The following ANKRD44 variants were observed in gnomAD, a reference collection of about 807,000 sequenced individuals.
ANKRD44 encodes serine/threonine-protein phosphatase 6 regulatory ankyrin repeat subunit B.
Under a neutral mutation model 116.0 loss-of-function variants are expected in ANKRD44, and 35 were observed. The observed-to-expected ratio is 0.30, with a 90% CI of 0.23 to 0.40. The LOEUF (loss-of-function observed/expected upper bound fraction) is 0.40, where lower values mean the gene tolerates loss of function less well. Among genes scored for constraint, ANKRD44 ranks in the 10% least tolerant of loss-of-function variants. The pLI, the probability that ANKRD44 is intolerant of heterozygous loss-of-function variation, is 1.00. For missense variants in ANKRD44, 1,014 were observed against 1,242.6 expected (o/e 0.82, Z 2.77); for synonymous variants, 435 against 461.8 (o/e 0.94, Z 0.74).
chr2:197,154,174 CTTTT>C (rs1034922629), intron 2 of ANKRD44, among the ~76,000 whole-genome samples: 2 of 106,840 alleles, frequency 1.9e-5, no homozygotes, highest in African/African-American at 7.7e-5. Context: ...TATCGGCTTT[CTTTT>C]TTTTTTTTTT....
chr2:197,097,419 G>A (rs530274684), intron 10 of ANKRD44, among the ~76,000 whole-genome samples: 1 of 152,188 alleles, frequency 6.6e-6, no homozygotes, highest in East Asian at 1.9e-4. Flanking sequence ...GGGCATCTAC[G>A]ATCTGGTTCA....
intron 27 of ANKRD44, among the ~76,000 whole-genome samples, chr2:196,992,225 G>A (rs1231293115): frequency 2.0e-5 from 3 of 152,110 alleles, no homozygotes; most frequent in African/African-American, 7.2e-5. Flanking sequence ...GAAACTTAAC[G>A]TTTTGTTGTT....
intron 1 of ANKRD44, among the ~76,000 whole-genome samples, chr2:197,209,691 T>C (rs901116515): frequency 6.6e-6 from 1 of 152,216 alleles, no homozygotes; most frequent in African/African-American, 2.4e-5. Context: ...CATTGGTTGA[T>C]TGGTCTTTCA....
At chr2:197,296,043 C>CA (rs1386435377) in intron 1 of ANKRD44, among the ~76,000 whole-genome samples, 3 of 150,878 alleles carry the variant, frequency 2.0e-5, no homozygotes, top group African/African-American at 4.9e-5. Flanking sequence ...GACCCTGTCT[C>CA]AAAAAAATAA....
At chr2:197,089,924 T>G in intron 11 of ANKRD44, 26 bp downstream of exon 11, 1 of 1,603,724 alleles carries the variant, frequency 6.2e-7, no homozygotes. Flanking sequence ...ACATTAAGCC[T>G]CATCTCTGCT....
At chr2:197,288,070 G>A (rs13383947) in intron 1 of ANKRD44, among the ~76,000 whole-genome samples, 2,607 of 150,476 alleles carry the variant, frequency 0.017, 92 homozygotes, top group African/African-American at 0.06. Flanking sequence ...GATATCTGAT[G>A]TACTCCCTCA....
intron 16 of ANKRD44, among the ~76,000 whole-genome samples, chr2:197,067,493 T>C (rs2077459792): frequency 1.4e-5 from 2 of 146,464 alleles, no homozygotes; most frequent in African/African-American, 5.0e-5. Context: ...GAATCTACAA[T>C]GAACTCAAAC....
intron 1 of ANKRD44, among the ~76,000 whole-genome samples, chr2:197,265,930 C>A (rs13393344): frequency 6.6e-6 from 1 of 152,010 alleles, no homozygotes; most frequent in African/African-American, 2.4e-5. Flanking sequence ...TAGTAAAAGC[C>A]TTTTGTCACA....
At chr2:197,179,654 A>G (rs1393537785) in intron 2 of ANKRD44, among the ~76,000 whole-genome samples, 1 of 152,190 alleles carries the variant, frequency 6.6e-6, no homozygotes, top group African/African-American at 2.4e-5. Flanking sequence ...TGAGGGTACA[A>G]ATCATATACC....
At chr2:196,968,850 C>T (rs2075694562) in intron 21 of ANKRD44, among the ~76,000 whole-genome samples, 1 of 152,172 alleles carries the variant, frequency 6.6e-6, no homozygotes, top group South Asian at 2.1e-4. Flanking sequence ...CACGCAGGCC[C>T]CCCTGTCTAT....
intron 2 of ANKRD44, among the ~76,000 whole-genome samples, chr2:197,161,016 C>T (rs1383089928): frequency 1.3e-5 from 2 of 152,108 alleles, no homozygotes; most frequent in African/African-American, 2.4e-5. Flanking sequence ...ACCAGGGGGT[C>T]GCTTTCTGTA....
intron 1 of ANKRD44, among the ~76,000 whole-genome samples, chr2:197,308,164 C>T (rs1275541823): frequency 2.7e-5 from 4 of 147,350 alleles, no homozygotes; most frequent in African/African-American, 1.0e-4. Context: ...CACACACACA[C>T]ACACACACAA....
At chr2:197,207,405 C>G (rs1451384270) in intron 1 of ANKRD44, among the ~76,000 whole-genome samples, 1 of 152,162 alleles carries the variant, frequency 6.6e-6, no homozygotes, top group African/African-American at 2.4e-5. Flanking sequence ...GCTGTGCCTG[C>G]GGATGGCACA....
chr2:196,998,393 C>A lies in ANKRD44; in HGVS notation c.2692G>T (p.Asp898Tyr). The A allele has an allele frequency of 6.2e-7, 1 of 1,613,902 alleles. No homozygotes were observed. The highest frequency in any genetic ancestry group is 8.5e-7 in the Non-Finnish European group (1 of 1,179,904). ...AAGTCCTTATCCTTTACAGTCAGAT[C>A]AGCCTGGGCACTGTTCACCAAAATA... ...VDILVNSAQADLTVKDKDLNT... is the reference protein window; with the variant it reads ...VDILVNSAQAYLTVKDKDLNT... Residue 898 changes from aspartate (D) to tyrosine (Y), a missense_variant, in exon 25 of 28, where the codon GAT becomes TAT. Transcript: ENST00000282272.
intron 1 of ANKRD44, among the ~76,000 whole-genome samples, chr2:197,307,884 G>C (rs2084120343): frequency 2.6e-5 from 4 of 152,156 alleles, no homozygotes; most frequent in Non-Finnish European, 5.9e-5. Flanking sequence ...TTCAACAGAT[G>C]AGGTGCCAGG....
chr2:197,161,455 G>A (rs1000492132), intron 2 of ANKRD44, among the ~76,000 whole-genome samples: 3 of 151,990 alleles, frequency 2.0e-5, no homozygotes, highest in Non-Finnish European at 4.4e-5. Context: ...TTTCACATGG[G>A]CTAAGAGGCC....
At chr2:197,209,445 T>C (rs752714602) in intron 1 of ANKRD44, among the ~76,000 whole-genome samples, 1 of 152,142 alleles carries the variant, frequency 6.6e-6, no homozygotes. Flanking sequence ...CTGACAAATA[T>C]GTAGTCAGAG....
At position 197,019,218 on chromosome 2, in the gene ANKRD44, C is replaced by A. The variant is rs557839105; in HGVS notation, c.1723-5506G>T. ...CGAGAAGGTACACTTCTGGGACTAACCTTTAGACTCTTGCTCTTCTACTAC... is the reference window on the plus strand; with the variant it reads ...CGAGAAGGTACACTTCTGGGACTAAACTTTAGACTCTTGCTCTTCTACTAC... On this transcript the variant is annotated intron_variant, in intron 17 of 27. Coordinates refer to ENST00000282272, the MANE Select transcript of ANKRD44 (RefSeq NM_001195144.2). Among the ~76,000 whole-genome samples, 19 of 152,308 alleles carry A rather than the reference C, an allele frequency of 1.2e-4. No individual in the cohort carries two copies. The East Asian group carries it at 3.7e-3, about 29-fold the overall frequency.
intron 2 of ANKRD44, among the ~76,000 whole-genome samples, chr2:197,181,090 C>T (rs928043849): frequency 9.2e-5 from 14 of 152,172 alleles, no homozygotes; most frequent in Non-Finnish European, 2.9e-5. Context: ...ATAAGCTTAG[C>T]TTGCACCTCC....
Sources: gnomAD v4.1 joint callset for allele counts (sites outside exome capture counted in the v4.1 genomes callset) on GRCh38, gnomAD v4.1.1 for gene constraint, MANE v1.5 for transcripts, NCBI Gene and HGNC (gene_info 2026-07-23, HGNC 2026-07-21) for gene names.